TGFA: variants seen among roughly 807,000 people sequenced by gnomAD.
TGFA encodes the protein transforming growth factor alpha.
TGFA carries 12 observed loss-of-function variants against 21.7 expected under a neutral mutation model. The ratio of observed to expected loss-of-function variants is 0.55; its 90% CI spans 0.35 to 0.90. TGFA has a LOEUF of 0.90. Ranked by LOEUF, TGFA falls within the 40% of genes least tolerant of loss-of-function variation. The probability of loss-of-function intolerance (pLI) is 0.01; values close to 1 mark genes in which losing one functional copy is unlikely to be tolerated. For missense variants in TGFA, 178 were observed against 210.8 expected, an observed-to-expected ratio of 0.84 and a Z score of 0.96; for synonymous variants, 79 against 88.1, an observed-to-expected ratio of 0.90 and a Z score of 0.58.
intron 2 of TGFA, among the ~76,000 whole-genome samples, chr2:70,509,880 G>C (rs1230028978): frequency 6.6e-6 from 1 of 152,170 alleles, no homozygotes; most frequent in African/African-American, 2.4e-5. Context: ...GGTGCATTCT[G>C]TCCCTCTTAA....
intron 1 of TGFA, among the ~76,000 whole-genome samples, chr2:70,546,622 C>A (rs1264514427): frequency 1.3e-5 from 2 of 151,984 alleles, no homozygotes; most frequent in Non-Finnish European, 2.9e-5. Context: ...TACAGGCATG[C>A]ACTACCACAC....
At chr2:70,529,795 G>C (rs1553503515) in intron 1 of TGFA, among the ~76,000 whole-genome samples, 1 of 152,182 alleles carries the variant, frequency 6.6e-6, no homozygotes, top group Non-Finnish European at 1.5e-5. Flanking sequence ...AGACACTCAG[G>C]GTCCTGGGGA....
chr2:70,453,445 C>T, intron 4 of TGFA, 118 bp from the exon 5 acceptor site: 1 of 782,172 alleles, frequency 1.3e-6, no homozygotes, highest in South Asian at 1.8e-5. Flanking sequence ...TCCAAACCAG[C>T]TCCCCATGGG....
chr2:70,532,040 T>C (rs1303356237), intron 1 of TGFA, among the ~76,000 whole-genome samples: 2 of 152,188 alleles, frequency 1.3e-5, no homozygotes, highest in Non-Finnish European at 2.9e-5. Flanking sequence ...CCCCCCAGTA[T>C]AAGGGAGGCA....
In TGFA at chr2:70,450,702, CAG is replaced by C. The variant is rs1258904900; in HGVS notation, c.*155_*156del. The C allele has an allele frequency of 6.7e-6, 5 of 747,664 alleles. No individual in the cohort carries two copies. Among genetic ancestry groups the C allele is most frequent in the African/African-American group, 3.5e-5 (2 of 57,020 alleles). 46.3% of individuals were successfully genotyped at this position (747,664 alleles called of 1,614,324 possible). On this transcript the variant is annotated 3_prime_UTR_variant, in exon 6 of 6. Transcript: ENST00000295400. ...AACCCCAAGCAGACGGAGTTCTTGA[CAG>C]AGTTTTGAAGGCCCACAAAAGGCTG...
chr2:70,550,826 ACAAAAAAC>A (rs1673479019), intron 1 of TGFA, among the ~76,000 whole-genome samples: 1 of 152,238 alleles, frequency 6.6e-6, no homozygotes, highest in Non-Finnish European at 1.5e-5. Flanking sequence ...GTCTCAAAAA[ACAAAAAAC>A]CAAAAAAACA....
chr2:70,458,864 G>A (rs782629702), intron 3 of TGFA, among the ~76,000 whole-genome samples: 1 of 152,212 alleles, frequency 6.6e-6, no homozygotes, highest in Admixed American at 6.5e-5. Context: ...TGCTCTTGCA[G>A]GGCAGGGCTT....
chr2:70,534,178 G>T (rs962081290), intron 1 of TGFA, among the ~76,000 whole-genome samples: 1 of 152,188 alleles, frequency 6.6e-6, no homozygotes, highest in Admixed American at 6.5e-5. Flanking sequence ...GTTCTCATCT[G>T]CTGTTCCTTC....
chr2:70,488,998 G>T (rs1341813528), intron 2 of TGFA, among the ~76,000 whole-genome samples: 1 of 152,184 alleles, frequency 6.6e-6, no homozygotes, highest in Non-Finnish European at 1.5e-5. Context: ...TACATTGGAG[G>T]CTGGAAGGGT....
chr2:70,507,221 A>G (rs964213227), intron 2 of TGFA, among the ~76,000 whole-genome samples: 1 of 152,234 alleles, frequency 6.6e-6, no homozygotes, highest in Non-Finnish European at 1.5e-5. Flanking sequence ...GGCAGCCTGC[A>G]CTCAGTGCAC....
At chr2:70,511,200 A>G (rs1672088092) in intron 2 of TGFA, among the ~76,000 whole-genome samples, 1 of 152,198 alleles carries the variant, frequency 6.6e-6, no homozygotes, top group Non-Finnish European at 1.5e-5. Flanking sequence ...ATTATTTCTC[A>G]TTCCCATCAA....
intron 2 of TGFA, among the ~76,000 whole-genome samples, chr2:70,483,846 C>T (rs1553496143): frequency 6.6e-6 from 1 of 152,230 alleles, no homozygotes; most frequent in Admixed American, 6.5e-5. Context: ...TTTGTCACCT[C>T]TTGGGACACA....
intron 1 of TGFA, chr2:70,553,044 C>A: frequency 2.1e-6 from 2 of 934,220 alleles, no homozygotes. Context: ...ATCCCTCCTT[C>A]ATTTCCAAGG....
intron 1 of TGFA, among the ~76,000 whole-genome samples, chr2:70,534,557 G>A (rs1553504142): frequency 6.6e-6 from 1 of 152,070 alleles, no homozygotes; most frequent in African/African-American, 2.4e-5. Flanking sequence ...TGGTAGAAAA[G>A]CAAACAAGCC....
intron 2 of TGFA, among the ~76,000 whole-genome samples, chr2:70,500,964 C>G (rs1440659235): frequency 9.5e-6 from 1 of 105,666 alleles, no homozygotes; most frequent in East Asian, 2.8e-4. Context: ...CTTTTAGGGC[C>G]ATCTCCAAAA....
chr2:70,487,158 C>G (rs1671294736), intron 2 of TGFA, among the ~76,000 whole-genome samples: 1 of 152,152 alleles, frequency 6.6e-6, no homozygotes, highest in Admixed American at 6.5e-5. Context: ...AAAGAATAAA[C>G]TCAAAGCATG....
chr2:70,503,479 C>T (rs1204958620), intron 2 of TGFA, among the ~76,000 whole-genome samples: 7 of 150,520 alleles, frequency 4.7e-5, no homozygotes, highest in Non-Finnish European at 7.4e-5. Flanking sequence ...ATGTAAATGA[C>T]GAGTTAATGG....
chr2:70,543,865 T>C (rs1195444637), intron 1 of TGFA, among the ~76,000 whole-genome samples: 2 of 152,122 alleles, frequency 1.3e-5, no homozygotes, highest in African/African-American at 4.8e-5. Flanking sequence ...GATATCAAAA[T>C]CTAAAAAAGA....
At chr2:70,553,213 T>C (rs372962966) in intron 1 of TGFA, 2 of 1,535,994 alleles carry the variant, frequency 1.3e-6, no homozygotes, top group African/African-American at 2.7e-5. Context: ...TGAAAAGAGA[T>C]CGAGGGCGCC....
Sources: gnomAD v4.1 joint callset for allele counts (sites outside exome capture counted in the v4.1 genomes callset) on GRCh38, gnomAD v4.1.1 for gene constraint, MANE v1.5 for transcripts, NCBI Gene and HGNC (gene_info 2026-07-23, HGNC 2026-07-21) for gene names.